The following ATXN1 variants were observed in gnomAD, a reference collection of about 807,000 sequenced individuals.
ATXN1 encodes the protein ataxin-1.
In ATXN1, 8 loss-of-function variants were observed where a neutral mutation model predicts 56.4. The ratio of observed to expected loss-of-function variants is 0.14; its 90% CI spans 0.08 to 0.26. The LOEUF is 0.26. ATXN1 is among the 10% of genes least tolerant of loss of function. The probability of loss-of-function intolerance (pLI) is 1.00; values close to 1 mark genes in which losing one functional copy is unlikely to be tolerated. For synonymous variants in ATXN1, 514 were observed against 494.6 expected (o/e 1.04, Z -0.52); for missense variants, 987 against 1,106.5 (o/e 0.89, Z 1.53).
At chr6:16,395,820 A>G (rs1343606659) in intron 6 of ATXN1, among the ~76,000 whole-genome samples, 3 of 152,036 alleles carry the variant, frequency 2.0e-5, no homozygotes, top group Admixed American at 6.6e-5. Flanking sequence ...GATCGAGACC[A>G]TCCTGGCCAA....
At chr6:16,381,727 C>T (rs1758124596) in intron 6 of ATXN1, among the ~76,000 whole-genome samples, 2 of 152,188 alleles carry the variant, frequency 1.3e-5, no homozygotes, top group South Asian at 4.1e-4. Context: ...ACCTGAGCTG[C>T]CTCTCTTCCA....
intron 4 of ATXN1, among the ~76,000 whole-genome samples, chr6:16,529,626 T>C (rs1276838809): frequency 6.6e-6 from 1 of 152,192 alleles, no homozygotes; most frequent in Non-Finnish European, 1.5e-5. Context: ...ATAACAGATG[T>C]ATTTTATTTT....
chr6:16,332,222 C>A (rs1451034833), intron 6 of ATXN1, among the ~76,000 whole-genome samples: 1 of 152,122 alleles, frequency 6.6e-6, no homozygotes, highest in Admixed American at 6.5e-5. Context: ...GCCCCGTAAG[C>A]TTTCAGTACT....
At chr6:16,624,670 T>G (rs1561783668) in intron 3 of ATXN1, among the ~76,000 whole-genome samples, 1 of 152,174 alleles carries the variant, frequency 6.6e-6, no homozygotes. Context: ...GCACAAATGC[T>G]ATAACAGCAC....
intron 3 of ATXN1, among the ~76,000 whole-genome samples, chr6:16,619,883 A>G (rs1219880507): frequency 2.7e-5 from 4 of 146,120 alleles, no homozygotes; most frequent in South Asian, 2.2e-4. Context: ...TCTCTAAGGG[A>G]AAAAAAAAAA....
intron 1 of ATXN1, among the ~76,000 whole-genome samples, chr6:16,759,318 T>C (rs1266606997): frequency 6.6e-6 from 1 of 152,266 alleles, no homozygotes; most frequent in Non-Finnish European, 1.5e-5. Context: ...AGAAAGCCAC[T>C]GTAAGGCATT....
At chr6:16,665,848 TTTTG>T (rs1369862566) in intron 2 of ATXN1, among the ~76,000 whole-genome samples, 14 of 151,490 alleles carry the variant, frequency 9.2e-5, no homozygotes, top group South Asian at 2.1e-4. Flanking sequence ...GCATTTTTAA[TTTTG>T]TTTTATTTTT....
At chr6:16,601,070 A>T (rs1762902960) in intron 3 of ATXN1, among the ~76,000 whole-genome samples, 1 of 152,210 alleles carries the variant, frequency 6.6e-6, no homozygotes, top group South Asian at 2.1e-4. Context: ...GGGTAGTCAA[A>T]AAAACGAAGG....
intron 6 of ATXN1, among the ~76,000 whole-genome samples, chr6:16,347,828 G>C (rs1329444148): frequency 6.6e-6 from 1 of 152,228 alleles, no homozygotes; most frequent in Non-Finnish European, 1.5e-5. Context: ...GGCTGCCCGA[G>C]CCAGCAGTGG....
At chr6:16,696,902 T>C (rs1385946000) in intron 2 of ATXN1, among the ~76,000 whole-genome samples, 2 of 152,204 alleles carry the variant, frequency 1.3e-5, no homozygotes, top group South Asian at 2.1e-4. Context: ...AAAGACTAGA[T>C]GTGTGTTGTG....
At chr6:16,700,465 TG>T (rs1759258696) in intron 2 of ATXN1, among the ~76,000 whole-genome samples, 1 of 151,574 alleles carries the variant, frequency 6.6e-6, no homozygotes, top group Non-Finnish European at 1.5e-5. Context: ...CAAAGGAGGG[TG>T]GAAGAGGAGA....
chr6:16,443,235 C>T (rs1431806960), intron 6 of ATXN1, among the ~76,000 whole-genome samples: 2 of 126,586 alleles, frequency 1.6e-5, no homozygotes, highest in East Asian at 5.5e-4. Context: ...AAAAAAAAAC[C>T]TACCTAAATA....
At chr6:16,562,197 A>G (rs1205292776) in intron 4 of ATXN1, among the ~76,000 whole-genome samples, 2 of 151,836 alleles carry the variant, frequency 1.3e-5, no homozygotes, top group Non-Finnish European at 2.9e-5. Context: ...ACACAGCAAA[A>G]CCCTGCCTCT....
chr6:16,732,871 A>T (rs1760022247), intron 2 of ATXN1, among the ~76,000 whole-genome samples: 1 of 152,234 alleles, frequency 6.6e-6, no homozygotes, highest in Non-Finnish European at 1.5e-5. Context: ...AATTAAAAGT[A>T]ACATAGTTCT....
At position 16,582,596 on chromosome 6, in the gene ATXN1, A is replaced by G. The variant is rs542685491; in HGVS notation, c.-361+3184T>C. Among the ~76,000 whole-genome samples the G allele has an allele frequency of 1.8e-4, 28 of 152,358 alleles. 1 individual carries two copies. The highest frequency in any genetic ancestry group is 3.4e-3 in the Middle Eastern group (1 of 294). ...CTGGTCTTGCAGATAGGTCTTGTAC[A>G]TGAATGCAAAAATGGTGTGGGCAAC... is the stretch of plus-strand genomic sequence containing the variant. On this transcript the variant is annotated intron_variant, in intron 4 of 7. Transcript: ENST00000436367.
intron 5 of ATXN1, among the ~76,000 whole-genome samples, chr6:16,489,283 T>C (rs1760610931): frequency 6.6e-6 from 1 of 152,164 alleles, no homozygotes; most frequent in African/African-American, 2.4e-5. Flanking sequence ...ACTTAACCCT[T>C]ACTCCAAAAG....
At chr6:16,590,131 TACTGG>T (rs1762697603) in intron 3 of ATXN1, among the ~76,000 whole-genome samples, 1 of 152,232 alleles carries the variant, frequency 6.6e-6, no homozygotes, top group South Asian at 2.1e-4. Flanking sequence ...TTCTGTTAAT[TACTGG>T]ACAGAGTAAT....
intron 5 of ATXN1, among the ~76,000 whole-genome samples, chr6:16,495,484 A>G (rs1419669436): frequency 6.6e-6 from 1 of 152,252 alleles, no homozygotes; most frequent in African/African-American, 2.4e-5. Flanking sequence ...CATCCTATCA[A>G]AGCCACAACT....
At chr6:16,568,442 A>G (rs1762270355) in intron 4 of ATXN1, among the ~76,000 whole-genome samples, 1 of 152,224 alleles carries the variant, frequency 6.6e-6, no homozygotes, top group African/African-American at 2.4e-5. Flanking sequence ...TGTATACAGA[A>G]AGTTCATTTG....
Sources: allele counts gnomAD v4.1 joint callset (sites outside exome capture counted in the v4.1 genomes callset), GRCh38; gene constraint gnomAD v4.1.1; transcripts MANE v1.5; gene names NCBI Gene and HGNC (gene_info 2026-07-23, HGNC 2026-07-21).